The following PECAM1 variants were observed in gnomAD, a reference collection of about 807,000 sequenced individuals.
PECAM1 encodes platelet endothelial cell adhesion molecule.
A neutral mutation model predicts 13.8 loss-of-function variants in PECAM1; 8 were observed. The observed-to-expected ratio is 0.58, with a 90% CI of 0.34 to 1.05. The LOEUF (loss-of-function observed/expected upper bound fraction) is 1.05. PECAM1 is among the 50% of genes least tolerant of loss of function. The pLI, the probability that PECAM1 is intolerant of heterozygous loss-of-function variation, is 0.03. For missense variants in PECAM1, 304 were observed against 141.2 expected, an observed-to-expected ratio of 2.15 and a Z score of -5.84; for synonymous variants, 136 against 52.6, an observed-to-expected ratio of 2.58 and a Z score of -6.86.
rs1050382 is a variant in PECAM1, at chr17:64,322,640, G to A, written c.*1176C>T. On this transcript the variant is annotated 3_prime_UTR_variant, in exon 16 of 16. Transcript: ENST00000563924. The stretch of plus-strand genomic sequence containing the variant: ...GAAATTCCACAGCGCAATGACAGCA[G>A]CCTCTCTCCCACCCACTCAAGACAC... 0.53 allele frequency: 523,656 copies of A among 984,480 alleles called. 140,401 individuals are homozygous for A. The highest frequency in any genetic ancestry group is 0.69 in the East Asian group (6,038 of 8,794). The allele number at this position is 984,480 out of a possible 1,614,324, so 61.0% of individuals were successfully genotyped here.
Position 64,323,702 on chromosome 17 carries a change from T to C in PECAM1, c.*114A>G, listed in dbSNP as rs1160579839. On this transcript the variant is annotated 3_prime_UTR_variant, in exon 16 of 16. Transcript: ENST00000563924. ...CTTAGCCTGAGGAATTGCTGTGTTCTGTGGGAGCAGGGCAGGTTCATAAAT... is the reference window on the plus strand; with the variant it reads ...CTTAGCCTGAGGAATTGCTGTGTTCCGTGGGAGCAGGGCAGGTTCATAAAT... The C allele has an allele frequency of 1.3e-6, 2 of 1,553,518 alleles. No homozygotes were observed. Among genetic ancestry groups the C allele is most frequent in the African/African-American group, 1.4e-5 (1 of 73,350 alleles).
intron 2 of PECAM1, chr17:64,379,009 A>C (rs1404287519): frequency 2.0e-5 from 3 of 152,184 alleles, no homozygotes; most frequent in Non-Finnish European, 4.4e-5. Context: ...TTTCTATCTG[A>C]TGGGCTCTGA....
intron 13 of PECAM1, among the ~76,000 whole-genome samples, chr17:64,347,056 T>C (rs2035585455): frequency 6.6e-6 from 1 of 152,104 alleles, no homozygotes; most frequent in South Asian, 2.1e-4. Flanking sequence ...TACCTATTAT[T>C]AGTAGTATCA....
intron 14 of PECAM1, among the ~76,000 whole-genome samples, chr17:64,335,990 G>A (rs1053054616): frequency 3.3e-5 from 5 of 152,168 alleles, no homozygotes; most frequent in Admixed American, 6.6e-5. Context: ...CTGGCCGGGC[G>A]TGGTGTCTCA....
At chr17:64,381,043 T>A (rs1294400241) in intron 2 of PECAM1, among the ~76,000 whole-genome samples, 2 of 152,088 alleles carry the variant, frequency 1.3e-5, no homozygotes, top group Non-Finnish European at 2.9e-5. Flanking sequence ...ATTTTACAAG[T>A]CAGCATAGTG....
At position 64,377,872 on chromosome 17, in the gene PECAM1, C is replaced by T; in HGVS notation, c.337G>A (p.Val113Met). The change falls in exon 3 of 16, where the codon GTG becomes ATG. Residue 113 changes from valine to methionine, a missense_variant. Coordinates refer to ENST00000563924, the MANE Select transcript of PECAM1 (RefSeq NM_000442.5). ...DSGTYKCTVIVNNKEKTTAEY... is the reference protein window; with the variant it reads ...DSGTYKCTVIMNNKEKTTAEY... The stretch of plus-strand genomic sequence containing the variant: ...GCAGTGGTTTTCTCTTTGTTGTTCA[C>T]AATCACAGTACATTTATATGTCCCT... 1 of 475,298 alleles carries T rather than the reference C, an allele frequency of 2.1e-6. No homozygotes were observed. The highest frequency in any genetic ancestry group is 6.7e-5 in the South Asian group (1 of 14,862). 29.4% of individuals were successfully genotyped at this position (475,298 alleles called of 1,614,324 possible). A position where few individuals can be genotyped will look rare whatever the true frequency, so the allele number is the denominator to read the frequency against.
At chr17:64,328,253 G>C (rs958916751) in intron 15 of PECAM1, among the ~76,000 whole-genome samples, 1 of 143,488 alleles carries the variant, frequency 7.0e-6, no homozygotes, top group Non-Finnish European at 1.6e-5. Context: ...CATGTTTATC[G>C]CTTCAGGAGA....
rs1326185992 is a variant in PECAM1 at position 64,336,278 on chromosome 17, A to G, written c.2164+5356T>C. ...GAAGACCCTGTCTCAAAAAAAAAAA[A>G]AAAGAAAGAAAGAAAGAAAGAAATG... On this transcript the variant is annotated intron_variant, in intron 14 of 15. Coordinates refer to ENST00000563924, the MANE Select transcript of PECAM1 (RefSeq NM_000442.5). Among the ~76,000 whole-genome samples the G allele has an allele frequency of 7.7e-3, 1,155 of 149,234 alleles. 15 individuals carry two copies. The highest frequency in any genetic ancestry group is 0.026 in the African/African-American group (1,023 of 39,650).
At chr17:64,338,649 C>T (rs62071617) in intron 14 of PECAM1, among the ~76,000 whole-genome samples, 10,804 of 152,108 alleles carry the variant, frequency 0.071, 416 homozygotes, top group Middle Eastern at 0.12. Context: ...CCTCTGCCTC[C>T]CGGGTTCAAG....
At chr17:64,373,444 C>T (rs2143859555) in intron 4 of PECAM1, among the ~76,000 whole-genome samples, 1 of 151,812 alleles carries the variant, frequency 6.6e-6, no homozygotes, top group African/African-American at 2.4e-5. Context: ...GACAAAAGTC[C>T]ATAAGATTTT....
intron 6 of PECAM1, among the ~76,000 whole-genome samples, chr17:64,360,842 G>GTGTGTT (rs1477818437): frequency 1.5e-5 from 2 of 136,682 alleles, no homozygotes; most frequent in South Asian, 5.0e-4. Flanking sequence ...GTGTGTGTGT[G>GTGTGTT]TGTATTTGAG....
chr17:64,375,700 C>T (rs984050431), intron 3 of PECAM1, among the ~76,000 whole-genome samples: 3 of 151,688 alleles, frequency 2.0e-5, no homozygotes, highest in African/African-American at 7.3e-5. Flanking sequence ...TAGTGGTGTG[C>T]ACTGGTAGTC....
At chr17:64,324,788 A>C (rs2034899711) in intron 15 of PECAM1, among the ~76,000 whole-genome samples, 1 of 152,214 alleles carries the variant, frequency 6.6e-6, no homozygotes, top group Non-Finnish European at 1.5e-5. Context: ...GAAAGGACAA[A>C]TATATGATTC....
At chr17:64,330,276 C>T (rs2035072289) in intron 14 of PECAM1, among the ~76,000 whole-genome samples, 1 of 152,042 alleles carries the variant, frequency 6.6e-6, no homozygotes, top group Admixed American at 6.5e-5. Context: ...ACCCTGGCCT[C>T]CCAAAGTGCT....
At chr17:64,385,213 C>T (rs1175365454) in intron 2 of PECAM1, among the ~76,000 whole-genome samples, 1 of 152,158 alleles carries the variant, frequency 6.6e-6, no homozygotes, top group African/African-American at 2.4e-5. Flanking sequence ...TGAAGGTTGA[C>T]GGAGAAGGAT....
rs770934381 is a variant in PECAM1 at position 64,322,544 on chromosome 17, G to A, written c.*1272C>T. The A allele has an allele frequency of 8.6e-5, 85 of 985,186 alleles. No individual in the cohort carries two copies. Among genetic ancestry groups the A allele is most frequent in the East Asian group, 1.1e-4 (1 of 8,834 alleles). The allele number at this position is 985,186 out of a possible 1,614,324, so 61.0% of individuals were successfully genotyped here. The stretch of plus-strand genomic sequence containing the variant: ...CAAATTTATTTAATACAACATCCAC[G>A]AGGGTCCCTGCAGCTGTGTCACTGA... On this transcript the variant is annotated 3_prime_UTR_variant, in exon 16 of 16. Coordinates refer to ENST00000563924, the MANE Select transcript of PECAM1 (RefSeq NM_000442.5).
intron 9 of PECAM1, 72 bp downstream of exon 9, chr17:64,354,861 A>G: frequency 2.1e-6 from 1 of 469,026 alleles, no homozygotes; most frequent in South Asian, 7.2e-5. Context: ...GGGTCAGAAA[A>G]GCACCACGCA....
intron 14 of PECAM1, among the ~76,000 whole-genome samples, chr17:64,334,548 G>C (rs1024282800): frequency 1.3e-5 from 2 of 151,368 alleles, no homozygotes; most frequent in African/African-American, 4.9e-5. Context: ...TCACTCTGTC[G>C]CCCAGGCTGG....
At chr17:64,341,917 AG>A (rs1312780322) in intron 13 of PECAM1, among the ~76,000 whole-genome samples, 7 of 152,054 alleles carry the variant, frequency 4.6e-5, no homozygotes, top group Non-Finnish European at 1.0e-4. Flanking sequence ...TGGGAGGGTG[AG>A]GGGGGCAGAT....
Sources: gnomAD v4.1 joint callset for allele counts (sites outside exome capture counted in the v4.1 genomes callset) on GRCh38, gnomAD v4.1.1 for gene constraint, MANE v1.5 for transcripts, NCBI Gene and HGNC (gene_info 2026-07-23, HGNC 2026-07-21) for gene names.